Variants in MYO3A observed in about 807,000 individuals in gnomAD.
MYO3A encodes the protein myosin IIIA.
A neutral mutation model predicts 192.7 loss-of-function variants in MYO3A; 180 were observed. The ratio of observed to expected loss-of-function variants is 0.93; its 90% CI spans 0.83 to 1.06. MYO3A has a LOEUF of 1.06. MYO3A is among the 50% of genes least tolerant of loss of function. MYO3A has a pLI of 0.00. For synonymous variants in MYO3A, 628 were observed against 645.3 expected (o/e 0.97, Z 0.41); for missense variants, 1,896 against 1,905.0 (o/e 1.00, Z 0.09).
At chr10:25,968,337 C>G (rs1260828129) in intron 4 of MYO3A, among the ~76,000 whole-genome samples, 2 of 152,074 alleles carry the variant, frequency 1.3e-5, no homozygotes, top group East Asian at 1.9e-4. Flanking sequence ...AAAATTAAAA[C>G]AGACATTTAT....
chr10:26,014,322 A>G (rs1841854553), intron 6 of MYO3A, among the ~76,000 whole-genome samples: 2 of 152,138 alleles, frequency 1.3e-5, no homozygotes, highest in African/African-American at 2.4e-5. Context: ...TTGTCTAACC[A>G]ATGTGGAAGT....
intron 34 of MYO3A, among the ~76,000 whole-genome samples, chr10:26,207,518 C>A (rs1190739525): frequency 6.6e-6 from 1 of 152,190 alleles, no homozygotes; most frequent in Admixed American, 6.5e-5. Context: ...TTTTGCAGCA[C>A]CACTTATTGA....
At chr10:26,150,526 T>C (rs1840734273) in intron 23 of MYO3A, among the ~76,000 whole-genome samples, 1 of 152,220 alleles carries the variant, frequency 6.6e-6, no homozygotes, top group African/African-American at 2.4e-5. Flanking sequence ...ATCTGAGTTA[T>C]CTAATTTTTG....
chr10:26,118,152 G>A (rs1450299782), intron 17 of MYO3A, among the ~76,000 whole-genome samples: 1 of 151,518 alleles, frequency 6.6e-6, no homozygotes, highest in Admixed American at 6.6e-5. Context: ...TTTGAGAAGT[G>A]TCTGTTTATA....
chr10:26,126,810 T>C (rs999260150), intron 19 of MYO3A, among the ~76,000 whole-genome samples: 4 of 149,518 alleles, frequency 2.7e-5, no homozygotes, highest in Non-Finnish European at 5.9e-5. Context: ...AATGTACATA[T>C]ACTAAATATA....
At chr10:25,946,344 A>T (rs1266792541) in intron 2 of MYO3A, among the ~76,000 whole-genome samples, 1 of 152,002 alleles carries the variant, frequency 6.6e-6, no homozygotes, top group Non-Finnish European at 1.5e-5. Context: ...CTCATTTTTG[A>T]AGGATAGTTT....
At chr10:25,937,071 C>G (rs1195624654) in intron 2 of MYO3A, among the ~76,000 whole-genome samples, 3 of 147,322 alleles carry the variant, frequency 2.0e-5, no homozygotes, top group African/African-American at 7.7e-5. Context: ...TGGGTCAGCT[C>G]AGTACTTTAA....
intron 20 of MYO3A, among the ~76,000 whole-genome samples, chr10:26,133,589 T>A (rs1034700923): frequency 6.6e-6 from 1 of 152,206 alleles, no homozygotes; most frequent in African/African-American, 2.4e-5. Flanking sequence ...ATTCTTAAAT[T>A]TAAAAGGTTT....
chr10:26,104,045 T>C (rs746853041), intron 17 of MYO3A, among the ~76,000 whole-genome samples: 2 of 152,110 alleles, frequency 1.3e-5, no homozygotes, highest in Non-Finnish European at 2.9e-5. Context: ...GTTATTGTCT[T>C]TTTATTATTG....
At chr10:26,051,744 A>G (rs1276742320) in intron 10 of MYO3A, among the ~76,000 whole-genome samples, 2 of 151,988 alleles carry the variant, frequency 1.3e-5, no homozygotes, top group African/African-American at 4.8e-5. Context: ...AATGGCTCAT[A>G]GGTCAAATCA....
intron 14 of MYO3A, among the ~76,000 whole-genome samples, chr10:26,072,631 G>A (rs1373914462): frequency 1.3e-5 from 2 of 152,068 alleles, no homozygotes; most frequent in Non-Finnish European, 2.9e-5. Flanking sequence ...GGTTCATCAG[G>A]AGGGAACTCA....
intron 6 of MYO3A, among the ~76,000 whole-genome samples, chr10:25,999,617 G>T (rs542631771): frequency 2.7e-4 from 41 of 152,212 alleles, no homozygotes; most frequent in African/African-American, 9.9e-4. Flanking sequence ...GGGAGTAAAG[G>T]GTTATAGAAT....
At chr10:25,994,839 C>A (rs952423720) in intron 4 of MYO3A, among the ~76,000 whole-genome samples, 4 of 152,148 alleles carry the variant, frequency 2.6e-5, no homozygotes, top group African/African-American at 9.7e-5. Context: ...ATATTGGCCC[C>A]CACTCTTTTC....
intron 20 of MYO3A, among the ~76,000 whole-genome samples, chr10:26,138,742 G>C (rs1382591641): frequency 6.6e-6 from 1 of 152,196 alleles, no homozygotes; most frequent in Non-Finnish European, 1.5e-5. Flanking sequence ...CATAGCTGAT[G>C]TTGTGACTGC....
At chr10:26,085,560 C>T (rs1194982671) in intron 14 of MYO3A, among the ~76,000 whole-genome samples, 3 of 152,154 alleles carry the variant, frequency 2.0e-5, no homozygotes, top group African/African-American at 7.2e-5. Flanking sequence ...ATTTGATCAT[C>T]TGTGATGCTC....
At chr10:26,020,782 CTCTA>C (rs1356295801) in intron 7 of MYO3A, among the ~76,000 whole-genome samples, 11 of 151,866 alleles carry the variant, frequency 7.2e-5, no homozygotes, top group African/African-American at 1.2e-4. Context: ...GCAATAATTT[CTCTA>C]TCTAATACAA....
intron 26 of MYO3A, chr10:26,165,780 AT>A: frequency 5.2e-5 from 24 of 464,254 alleles, no homozygotes; most frequent in East Asian, 1.1e-4. Context: ...AAAACTGCTA[AT>A]TTTTTTGACT....
At position 26,154,767 on chromosome 10, in the gene MYO3A, C is replaced by T. The variant is rs550530253; in HGVS notation, c.2737C>T (p.Arg913Cys). ...TTAGGGCGACACTGGAGAAGCCACA[C>T]GTCATGCCAGAGAGACAACCAACAT... ...LAKGDTGEAT[R>C]HARETTNMKT... The change falls in exon 25 of 35, where the codon CGT becomes TGT. Residue 913 changes from arginine to cysteine, a missense_variant. Physicochemically the swap from Arg to Cys is radical, Grantham distance 180. Coordinates refer to ENST00000642920, the MANE Select transcript of MYO3A (RefSeq NM_017433.5). 3.7e-6 allele frequency: 6 copies of T among 1,613,618 alleles called. No individual in the cohort carries two copies. The highest frequency in any genetic ancestry group is 3.3e-5 in the South Asian group (3 of 91,058).
intron 33 of MYO3A, 49 bp downstream of exon 33, chr10:26,201,354 T>C (rs775528985): frequency 2.5e-5 from 34 of 1,366,164 alleles, no homozygotes; most frequent in Non-Finnish European, 3.4e-5. Context: ...CAAACAAAAA[T>C]AAAAATCCAT....
Sources: allele counts gnomAD v4.1 joint callset (sites outside exome capture counted in the v4.1 genomes callset), GRCh38; gene constraint gnomAD v4.1.1; transcripts MANE v1.5; gene names NCBI Gene and HGNC (gene_info 2026-07-23, HGNC 2026-07-21).